The following YTHDF3 variants were observed in gnomAD, a reference collection of about 807,000 sequenced individuals.
YTHDF3 encodes YTH N6-methyladenosine RNA binding protein F3.
In YTHDF3, 9 loss-of-function variants were observed where a neutral mutation model predicts 52.5. That is an observed-to-expected ratio of 0.17 (90% CI 0.10 to 0.30). The LOEUF is 0.30. Among genes scored for constraint, YTHDF3 ranks in the 10% least tolerant of loss-of-function variants. The pLI is 1.00. For synonymous variants in YTHDF3, 274 were observed against 243.3 expected (o/e 1.13, Z -1.18); for missense variants, 534 against 715.0 (o/e 0.75, Z 2.89).
chr8:63,200,365 C>T (rs907980944), intron 4 of YTHDF3, among the ~76,000 whole-genome samples: 3 of 152,044 alleles, frequency 2.0e-5, no homozygotes, highest in Admixed American at 2.0e-4. Context: ...ACAGAAGTGA[C>T]ACTCTGTCGC....
chr8:63,177,398 T>A (rs938937396), intron 3 of YTHDF3, among the ~76,000 whole-genome samples: 19 of 152,158 alleles, frequency 1.2e-4, no homozygotes, highest in African/African-American at 4.6e-4. Context: ...AACTTTACGA[T>A]CTCAGCAAAA....
rs771396344 is a variant in YTHDF3 at position 63,209,744 on chromosome 8, G to A, written c.*38G>A. The A allele has an allele frequency of 1.9e-6, 3 of 1,550,796 alleles. No individual in the cohort carries two copies. Among genetic ancestry groups the A allele is most frequent in the South Asian group, 2.4e-5 (2 of 82,306 alleles). Reference sequence around the variant, plus strand: ...GTCCTGTTAAATTTACAACACTAACGATGTAGACTCTGGAAATGCCTAATA... The same window carrying A: ...GTCCTGTTAAATTTACAACACTAACAATGTAGACTCTGGAAATGCCTAATA... On this transcript the variant is annotated 3_prime_UTR_variant, in exon 5 of 5. Coordinates refer to ENST00000539294, the MANE Select transcript of YTHDF3 (RefSeq NM_152758.6).
At chr8:63,209,551 T>G (rs1288282289) in intron 4 of YTHDF3, 132 bp from the exon 5 acceptor site, 6 of 868,628 alleles carry the variant, frequency 6.9e-6, no homozygotes, top group African/African-American at 1.7e-5. Flanking sequence ...CAATTGTTTT[T>G]AATTACTTGA....
intron 4 of YTHDF3, among the ~76,000 whole-genome samples, chr8:63,205,152 A>G (rs1809941152): frequency 6.6e-6 from 1 of 152,152 alleles, no homozygotes; most frequent in Admixed American, 6.5e-5. Context: ...ACGGTGGGGA[A>G]GAAGCCCTGT....
chr8:63,209,991 G>A lies in YTHDF3; in HGVS notation c.*285G>A, dbSNP rs1810285764. The A allele has an allele frequency of 3.1e-6, 1 of 323,152 alleles. No individual in the cohort carries two copies. The highest frequency in any genetic ancestry group is 5.6e-6 in the Non-Finnish European group (1 of 177,200). The allele number at this position is 323,152 out of a possible 1,614,324, so 20.0% of individuals were successfully genotyped here. On this transcript the variant is annotated 3_prime_UTR_variant, in exon 5 of 5. Transcript: ENST00000539294. ...AATTATGCATCCTAGCTAAGGCACA[G>A]AAGACTGAATGAATGCAAGGATTCA...
intron 4 of YTHDF3, among the ~76,000 whole-genome samples, chr8:63,190,594 T>A (rs947930029): frequency 6.6e-6 from 1 of 152,208 alleles, no homozygotes. Context: ...AGTGGAGGTA[T>A]AAACAGACCG....
chr8:63,198,719 A>G (rs1022095474), intron 4 of YTHDF3, among the ~76,000 whole-genome samples: 3 of 152,212 alleles, frequency 2.0e-5, no homozygotes, highest in African/African-American at 7.2e-5. Context: ...AGTTATACTT[A>G]TGACAACAGC....
At chr8:63,183,467 T>C (rs1023218843) in intron 3 of YTHDF3, among the ~76,000 whole-genome samples, 2 of 152,218 alleles carry the variant, frequency 1.3e-5, no homozygotes, top group Admixed American at 1.3e-4. Context: ...TAGTCATTAA[T>C]TTTGTCAAGA....
chr8:63,207,400 T>A (rs1038541313), intron 4 of YTHDF3, among the ~76,000 whole-genome samples: 3 of 152,178 alleles, frequency 2.0e-5, no homozygotes, highest in African/African-American at 7.2e-5. Context: ...TGGGCCTACA[T>A]TTATTGTGAC....
In YTHDF3 at chr8:63,209,889, C is replaced by T. The variant is rs1810280880; in HGVS notation, c.*183C>T. ...AGCGCATCTGCCCTTATACTCTTCA[C>T]CAAACACACTTGAGAACTGTAACTT... On this transcript the variant is annotated 3_prime_UTR_variant, in exon 5 of 5. Coordinates refer to ENST00000539294, the MANE Select transcript of YTHDF3 (RefSeq NM_152758.6). 3.7e-5 allele frequency: 20 copies of T among 546,396 alleles called. No homozygotes were observed. The South Asian group carries it at 5.2e-4, about 14-fold the overall frequency. The allele number at this position is 546,396 out of a possible 1,614,324, so 33.8% of individuals were successfully genotyped here.
chr8:63,168,961 G>A (rs1807078887), intron 1 of YTHDF3, 60 bp downstream of exon 1: 2 of 1,541,058 alleles, frequency 1.3e-6, no homozygotes, highest in African/African-American at 1.4e-5. Context: ...CCACCCTCGC[G>A]CGGGGCTTCG....
chr8:63,180,500 A>G (rs1275027717), intron 3 of YTHDF3, among the ~76,000 whole-genome samples: 1 of 135,322 alleles, frequency 7.4e-6, no homozygotes, highest in Non-Finnish European at 1.6e-5. Context: ...CTGGGCAGCC[A>G]GGCAGAGGGG....
chr8:63,187,510 A>C lies in YTHDF3; in HGVS notation c.1499A>C (p.Lys500Thr). 6.2e-7 allele frequency: 1 copy of C among 1,613,994 alleles called. No homozygotes were observed. Among genetic ancestry groups the C allele is most frequent in the South Asian group, 1.1e-5 (1 of 91,082 alleles). ...TGGTCTCAGGATAAGTGGAAGGGCA[A>C]ATTTGAAGTTAAATGGATCTTTGTC... is the stretch of plus-strand genomic sequence containing the variant. ...GVWSQDKWKG[K>T]FEVKWIFVKD... Residue 500 changes from lysine (K) to threonine (T), a missense_variant, in exon 4 of 5, where the codon AAA becomes ACA. By Grantham distance (78) the Lys-to-Thr change is moderately conservative (BLOSUM62 -1). This residue lies in a region of YTHDF3 where 135 missense variants were observed against 214.2 expected (regional missense o/e 0.63). Transcript: ENST00000539294.
At chr8:63,171,524 G>A (rs750457367) in intron 2 of YTHDF3, among the ~76,000 whole-genome samples, 22 of 152,252 alleles carry the variant, frequency 1.4e-4, no homozygotes, top group Middle Eastern at 3.4e-3. Flanking sequence ...GATGCTACAA[G>A]TGCACAAATA....
chr8:63,173,289 G>A (rs1442047175), intron 2 of YTHDF3, among the ~76,000 whole-genome samples: 1 of 146,742 alleles, frequency 6.8e-6, no homozygotes, highest in Non-Finnish European at 1.5e-5. Flanking sequence ...TGTACCCCAG[G>A]CTGGAGTGCA....
intron 4 of YTHDF3, 135 bp downstream of exon 4, chr8:63,187,880 G>C: frequency 9.9e-7 from 1 of 1,005,104 alleles, no homozygotes; most frequent in Non-Finnish European, 1.4e-6. Context: ...CACCCTTGAA[G>C]GTATCTATGT....
At position 63,180,203 on chromosome 8, in the gene YTHDF3, G is replaced by T. The variant is rs567242980; in HGVS notation, c.135+4787G>T. Among the ~76,000 whole-genome samples, 1,161 of 148,188 alleles carry T rather than the reference G, an allele frequency of 7.8e-3. 21 individuals carry two copies. The highest frequency in any genetic ancestry group is 0.028 in the African/African-American group (1,116 of 39,954). On this transcript the variant is annotated intron_variant, in intron 3 of 4. Transcript: ENST00000539294. ...CGGGGCGGCTTCCGGGCGGAGGGGC[G>T]CCTCACTTCTCAGACGGGGCGGTTG...
chr8:63,172,566 A>G (rs1807399802), intron 2 of YTHDF3: 3 of 393,310 alleles, frequency 7.6e-6, no homozygotes, highest in African/African-American at 2.1e-5. Flanking sequence ...GCACTTTACT[A>G]TCATTATTTT....
At chr8:63,199,805 G>T (rs1809482098) in intron 4 of YTHDF3, among the ~76,000 whole-genome samples, 1 of 151,978 alleles carries the variant, frequency 6.6e-6, no homozygotes, top group Non-Finnish European at 1.5e-5. Flanking sequence ...AATCTGCTGG[G>T]TATTTTACCC....
Sources: gnomAD v4.1 joint callset for allele counts (sites outside exome capture counted in the v4.1 genomes callset) on GRCh38, gnomAD v4.1.1 for gene constraint, gnomAD v4.1.1 regional missense constraint, MANE v1.5 for transcripts, NCBI Gene and HGNC (gene_info 2026-07-23, HGNC 2026-07-21) for gene names.